The following CCDC88A variants were observed in gnomAD, a reference collection of about 807,000 sequenced individuals.
CCDC88A encodes coiled-coil and HOOK domain protein 88A.
Under a neutral mutation model 234.3 loss-of-function variants are expected in CCDC88A, and 54 were observed. The ratio of observed to expected loss-of-function variants is 0.23; its 90% CI spans 0.19 to 0.29. The LOEUF is 0.29. CCDC88A is among the 10% of genes least tolerant of loss of function. The pLI, the probability that CCDC88A is intolerant of heterozygous loss-of-function variation, is 1.00. For missense variants in CCDC88A, 1,832 were observed against 2,123.4 expected (o/e 0.86, Z 2.70); for synonymous variants, 753 against 737.8 (o/e 1.02, Z -0.33).
intron 31 of CCDC88A, chr2:55,293,480 C>A (rs1455420776): frequency 6.6e-6 from 1 of 150,442 alleles, no homozygotes; most frequent in Non-Finnish European, 1.5e-5. Context: ...CATTTGATTA[C>A]CTGTACCAGA....
Position 55,317,829 on chromosome 2 carries a change from T to C in CCDC88A, c.3337A>G (p.Thr1113Ala), listed in dbSNP as rs745673238. The change falls in exon 20 of 33, where the codon ACC becomes GCC. Residue 1113 changes from threonine to alanine, a missense_variant. Physicochemically the swap from Thr to Ala is moderately conservative, Grantham distance 58. This residue lies in a region of CCDC88A where 1,282 missense variants were observed against 1,543.6 expected (regional missense o/e 0.83). Coordinates refer to ENST00000436346, the MANE Select transcript of CCDC88A (RefSeq NM_001365480.1). The surrounding 1 kb of genome is among the most constrained non-coding windows in gnomAD (Gnocchi z 4.2). ...QNAKLQVENSTLNSQSTSLMN... is the reference protein window; with the variant it reads ...QNAKLQVENSALNSQSTSLMN... ...AGTGAGGTACTTTGGGAATTAAGGG[T>C]GGAATTTTCAACCTATAAGAATATA... 6.7e-5 allele frequency: 107 copies of C among 1,602,852 alleles called. No homozygotes were observed. Among genetic ancestry groups the C allele is most frequent in the Middle Eastern group, 1.7e-4 (1 of 6,038 alleles).
At position 55,368,394 on chromosome 2, in the gene CCDC88A, T is replaced by C. The variant is rs547533335; in HGVS notation, c.402+4058A>G. Among the ~76,000 whole-genome samples, 8 of 152,332 alleles carry C rather than the reference T, an allele frequency of 5.3e-5. No individual in the cohort carries two copies. The East Asian group carries it at 1.3e-3, about 26-fold the overall frequency. Reference sequence around the variant, plus strand: ...TTCCTCTTAAGAATTTCATTTTTTTTCTTCAAAAGAAGAAAACATTTTTCA... The same window carrying C: ...TTCCTCTTAAGAATTTCATTTTTTTCCTTCAAAAGAAGAAAACATTTTTCA... On this transcript the variant is annotated intron_variant, in intron 5 of 32. Coordinates refer to ENST00000436346, the MANE Select transcript of CCDC88A (RefSeq NM_001365480.1).
intron 25 of CCDC88A, among the ~76,000 whole-genome samples, chr2:55,307,573 T>A (rs1310706911): frequency 6.6e-6 from 1 of 152,048 alleles, no homozygotes. Flanking sequence ...CAGGCTGGTC[T>A]CCAACTCCCA....
chr2:55,309,099 A>G lies in CCDC88A; in HGVS notation c.4172+63T>C. On this transcript the variant is annotated intron_variant, in intron 24 of 32. Coordinates refer to ENST00000436346, the MANE Select transcript of CCDC88A (RefSeq NM_001365480.1). The surrounding 1 kb of genome is among the most constrained non-coding windows in gnomAD (Gnocchi z 5.1). ...CTTCACAAAAGTAGAAGTCATCACAATATTAGAAATAACCTAGTGTTTTTT... is the reference window on the plus strand; with the variant it reads ...CTTCACAAAAGTAGAAGTCATCACAGTATTAGAAATAACCTAGTGTTTTTT... 7.0e-7 allele frequency: 1 copy of G among 1,438,484 alleles called. No homozygotes were observed. Among genetic ancestry groups the G allele is most frequent in the Non-Finnish European group, 9.7e-7 (1 of 1,028,980 alleles). 89.1% of individuals were successfully genotyped at this position (1,438,484 alleles called of 1,614,324 possible).
chr2:55,369,877 C>T (rs1672567410), intron 5 of CCDC88A, among the ~76,000 whole-genome samples: 1 of 152,120 alleles, frequency 6.6e-6, no homozygotes, highest in African/African-American at 2.4e-5. Flanking sequence ...TAATTATCAC[C>T]TCAAACTCGT....
rs1387250900 is a variant in CCDC88A, at chr2:55,372,881, T to C, written c.344-371A>G. On this transcript the variant is annotated intron_variant, in intron 4 of 32. Coordinates refer to ENST00000436346, the MANE Select transcript of CCDC88A (RefSeq NM_001365480.1). ...CCACAAAGGTAGCCAAAATGGCTCCTAATAGGTTTGGCTCCTCTTAGGCCT... is the reference window on the plus strand; with the variant it reads ...CCACAAAGGTAGCCAAAATGGCTCCCAATAGGTTTGGCTCCTCTTAGGCCT... 2.0e-5 allele frequency among the ~76,000 whole-genome samples: 3 copies of C among 152,214 alleles called. No homozygotes were observed. The East Asian group carries it at 5.8e-4, about 29-fold the overall frequency.
At chr2:55,401,126 G>C (rs1574472574) in intron 2 of CCDC88A, among the ~76,000 whole-genome samples, 1 of 151,704 alleles carries the variant, frequency 6.6e-6, no homozygotes, top group African/African-American at 2.4e-5. Flanking sequence ...AAAATTAGTG[G>C]TTTTAAGGGA....
intron 16 of CCDC88A, chr2:55,331,811 C>A (rs1276297231): frequency 6.6e-6 from 1 of 152,058 alleles, no homozygotes; most frequent in Non-Finnish European, 1.5e-5. Context: ...TATTTTTATA[C>A]CTCAGTTGCT....
At chr2:55,384,523 ATATATATACATATATACGTATATATGTG>A (rs1675147158) in intron 3 of CCDC88A, among the ~76,000 whole-genome samples, 1 of 3,332 alleles carries the variant, frequency 3.0e-4, no homozygotes, top group African/African-American at 1.5e-3. Flanking sequence ...TATAAATTAT[ATATATATACATATATACGTATATATGTG>A]TATATATACA....
At chr2:55,339,353 A>C in intron 13 of CCDC88A, 111 bp downstream of exon 13, 1 of 905,152 alleles carries the variant, frequency 1.1e-6, no homozygotes, top group Non-Finnish European at 1.5e-6. Context: ...TTTTCATAAC[A>C]AGTTAAAATA....
chr2:55,344,266 A>G, intron 11 of CCDC88A, 102 bp downstream of exon 11: 1 of 681,240 alleles, frequency 1.5e-6, no homozygotes, highest in Non-Finnish European at 2.3e-6. Context: ...TCTCTGTTAA[A>G]GCCTCAAGGA....
chr2:55,366,526 CACACACAT>C (rs1049754554), intron 5 of CCDC88A, among the ~76,000 whole-genome samples: 2 of 119,316 alleles, frequency 1.7e-5, no homozygotes, highest in East Asian at 2.9e-4. Flanking sequence ...GACTCTGTCA[CACACACAT>C]ACACACACAC....
intron 16 of CCDC88A, among the ~76,000 whole-genome samples, chr2:55,330,627 C>T (rs181385537): frequency 5.9e-5 from 9 of 152,208 alleles, no homozygotes; most frequent in African/African-American, 9.6e-5. Context: ...GACTAACTTC[C>T]TGGCTGAGAA....
chr2:55,339,830 CT>C (rs1337302446), intron 12 of CCDC88A, 182 bp from the exon 13 acceptor site: 6 of 494,084 alleles, frequency 1.2e-5, no homozygotes, highest in Non-Finnish European at 2.0e-5. Context: ...TTTTCCTTTT[CT>C]TTTTTTCTTT....
chr2:55,313,805 T>C, intron 22 of CCDC88A: 1 of 152,190 alleles, frequency 6.6e-6, no homozygotes, highest in East Asian at 1.9e-4. Flanking sequence ...AATTATACTA[T>C]AATCATAAAC....
chr2:55,367,586 C>G (rs186085872), intron 5 of CCDC88A, among the ~76,000 whole-genome samples: 9 of 129,678 alleles, frequency 6.9e-5, no homozygotes, highest in African/African-American at 1.2e-4. Flanking sequence ...AGTGGTTATT[C>G]ACAGGCATGA....
At chr2:55,338,584 T>C (rs1014543594) in intron 13 of CCDC88A, among the ~76,000 whole-genome samples, 6 of 152,238 alleles carry the variant, frequency 3.9e-5, no homozygotes, top group African/African-American at 1.4e-4. Context: ...TTGTGGTCTC[T>C]AAATATCATT....
In CCDC88A at chr2:55,374,901, A is replaced by G; in HGVS notation, c.274-18T>C. The G allele has an allele frequency of 6.5e-7, 1 of 1,533,626 alleles. No individual in the cohort carries two copies. On this transcript the variant is annotated intron_variant, in intron 3 of 32. Transcript: ENST00000436346. Reference sequence around the variant, plus strand: ...AAAGTCTCCTGTAAAAAAATATCCAACACTTGTTATATGGGTAATGCTAAC... The same window carrying G: ...AAAGTCTCCTGTAAAAAAATATCCAGCACTTGTTATATGGGTAATGCTAAC...
Position 55,289,642 on chromosome 2 carries a change from G to C in CCDC88A, c.*1558C>G, listed in dbSNP as rs1679303052. The C allele has an allele frequency of 6.6e-6, 1 of 152,122 alleles. No individual in the cohort carries two copies. Among genetic ancestry groups the C allele is most frequent in the Non-Finnish European group, 1.5e-5 (1 of 67,990 alleles). The allele number at this position is 152,122 out of a possible 1,614,324, so 9.4% of individuals were successfully genotyped here. ...TTACCGGTGGCATTGAAGTACGTAA[G>C]TAAGCTCAAGTTCTCTAAGTTCCAT... On this transcript the variant is annotated 3_prime_UTR_variant, in exon 33 of 33. Coordinates refer to ENST00000436346, the MANE Select transcript of CCDC88A (RefSeq NM_001365480.1).
Sources: allele counts gnomAD v4.1 joint callset (sites outside exome capture counted in the v4.1 genomes callset), GRCh38; gene constraint gnomAD v4.1.1; regional missense constraint gnomAD v4.1.1; non-coding constraint Gnocchi (gnomAD v3.1); transcripts MANE v1.5; gene names NCBI Gene and HGNC (gene_info 2026-07-23, HGNC 2026-07-21).